The following C11orf58 variants were observed in gnomAD, a reference collection of about 807,000 sequenced individuals.
C11orf58 encodes chromosome 11 open reading frame 58.
In C11orf58, 5 loss-of-function variants were observed where a neutral mutation model predicts 22.7. The observed-to-expected ratio is 0.22, with a 90% CI of 0.12 to 0.46. The LOEUF (loss-of-function observed/expected upper bound fraction) is 0.46. Among genes scored for constraint, C11orf58 ranks in the 20% least tolerant of loss-of-function variants. The pLI is 0.99. For missense variants in C11orf58, 151 were observed against 223.3 expected (o/e 0.68, Z 2.06); for synonymous variants, 71 against 70.7 (o/e 1.00, Z -0.02).
At chr11:16,746,553 T>G (rs904627780) in intron 2 of C11orf58, among the ~76,000 whole-genome samples, 4 of 152,186 alleles carry the variant, frequency 2.6e-5, no homozygotes, top group Non-Finnish European at 2.9e-5. Flanking sequence ...GTTAAGGATA[T>G]GTAAGGTAAG....
rs565613519 is a variant in C11orf58, at chr11:16,755,728, C to T, written c.*624C>T. ...AGTCTTTTTATAATTTGGATTGTATCGTATGTTAGATTTTTGATAAAATTT... is the reference window on the plus strand; with the variant it reads ...AGTCTTTTTATAATTTGGATTGTATTGTATGTTAGATTTTTGATAAAATTT... On this transcript the variant is annotated 3_prime_UTR_variant, in exon 5 of 5. Coordinates refer to ENST00000228136, the MANE Select transcript of C11orf58 (RefSeq NM_014267.6). 2.0e-5 allele frequency: 3 copies of T among 152,468 alleles called. No individual in the cohort carries two copies. The highest frequency in any genetic ancestry group is 6.6e-5 in the Admixed American group (1 of 15,254). 9.4% of individuals were successfully genotyped at this position (152,468 alleles called of 1,614,324 possible).
chr11:16,744,474 G>GA, intron 1 of C11orf58, 127 bp from the exon 2 acceptor site: 2 of 692,814 alleles, frequency 2.9e-6, no homozygotes, highest in Non-Finnish European at 2.5e-6. Context: ...TCCTAAGCAA[G>GA]AAAAATGAAC....
At chr11:16,747,190 A>G (rs1341654678) in intron 2 of C11orf58, 2 of 152,262 alleles carry the variant, frequency 1.3e-5, no homozygotes, top group East Asian at 3.8e-4. Context: ...TAAACTAGTA[A>G]CACACTGAAT....
rs771714309 is a variant in C11orf58, at chr11:16,748,054, A to G, written c.148-43A>G. ...CATAGTAGATACCCAATAAGGTTAA[A>G]TTAGTGGTCTCAAATGCTAATACAT... On this transcript the variant is annotated intron_variant, in intron 2 of 4. Transcript: ENST00000228136. The G allele has an allele frequency of 2.0e-6, 3 of 1,472,674 alleles. No homozygotes were observed. The East Asian group carries it at 6.8e-5, about 33-fold the overall frequency. The allele number at this position is 1,472,674 out of a possible 1,614,324, so 91.2% of individuals were successfully genotyped here.
In C11orf58 at chr11:16,738,676, G is replaced by T. The variant is rs776538789; in HGVS notation, c.-103G>T. On this transcript the variant is annotated 5_prime_UTR_variant, in exon 1 of 5. Transcript: ENST00000228136. ...AAGGCCCGGAGGGGCTCTGCGTTCT[G>T]TAGTGGCGCTGCTTGGGCCCTTGGC... 7.6e-7 allele frequency: 1 copy of T among 1,312,080 alleles called. No individual in the cohort carries two copies. Among genetic ancestry groups the T allele is most frequent in the Non-Finnish European group, 1.1e-6 (1 of 909,192 alleles). The allele number at this position is 1,312,080 out of a possible 1,614,324, so 81.3% of individuals were successfully genotyped here. A position where few individuals can be genotyped will look rare whatever the true frequency, so the allele number is the denominator to read the frequency against.
intron 1 of C11orf58, 170 bp from the exon 2 acceptor site, chr11:16,744,420 TAATAGAAAAGG>T: frequency 1.8e-6 from 1 of 568,286 alleles, no homozygotes; most frequent in Non-Finnish European, 3.1e-6. Context: ...TGCTGTGAGG[TAATAGAAAAGG>T]AGTAAATTTG....
At chr11:16,751,129 A>G (rs1848529510) in intron 3 of C11orf58, 1 of 152,026 alleles carries the variant, frequency 6.6e-6, no homozygotes, top group Non-Finnish European at 1.5e-5. Flanking sequence ...TTCAGTTACA[A>G]TAGCTGCTCC....
intron 1 of C11orf58, among the ~76,000 whole-genome samples, chr11:16,742,127 A>G (rs951538783): frequency 3.3e-5 from 5 of 152,246 alleles, no homozygotes; most frequent in African/African-American, 1.2e-4. Flanking sequence ...TGTAGATGAC[A>G]GTTATTTATA....
chr11:16,750,844 G>C (rs1022787552), intron 3 of C11orf58: 2 of 152,248 alleles, frequency 1.3e-5, no homozygotes, highest in Non-Finnish European at 2.9e-5. Context: ...GCCATGACTG[G>C]ACGGCTTTCT....
chr11:16,750,333 G>A (rs185450364), intron 3 of C11orf58: 4 of 152,300 alleles, frequency 2.6e-5, no homozygotes, highest in Non-Finnish European at 4.4e-5. Flanking sequence ...AGAAAAAATC[G>A]TGAACGCAAA....
chr11:16,739,617 T>C (rs28711843), intron 1 of C11orf58: 1 of 152,158 alleles, frequency 6.6e-6, no homozygotes, highest in East Asian at 1.9e-4. Flanking sequence ...GGCCTTTTTG[T>C]ATATTTGTCC....
intron 2 of C11orf58, among the ~76,000 whole-genome samples, chr11:16,745,717 A>G (rs1564883604): frequency 6.6e-6 from 1 of 152,230 alleles, no homozygotes; most frequent in Non-Finnish European, 1.5e-5. Context: ...TGCCAGGAAA[A>G]TATCTATTGT....
chr11:16,748,495 C>T (rs1848505549), intron 3 of C11orf58: 1 of 155,890 alleles, frequency 6.4e-6, no homozygotes. Flanking sequence ...GTAATCCCAG[C>T]ATTTTGGGAG....
At chr11:16,739,937 T>G (rs1848432470) in intron 1 of C11orf58, among the ~76,000 whole-genome samples, 1 of 152,204 alleles carries the variant, frequency 6.6e-6, no homozygotes. Flanking sequence ...CCTACCCCTC[T>G]GATGGGAGGT....
intron 4 of C11orf58, chr11:16,754,026 A>G (rs1848554404): frequency 4.7e-6 from 2 of 425,330 alleles, no homozygotes; most frequent in Non-Finnish European, 8.4e-6. Context: ...GAACAACAAC[A>G]TGCTCACAAG....
At chr11:16,750,967 G>T (rs1848528267) in intron 3 of C11orf58, 1 of 152,164 alleles carries the variant, frequency 6.6e-6, no homozygotes, top group African/African-American at 2.4e-5. Context: ...CATTTTGTAG[G>T]ATGTGCTTAA....
At chr11:16,744,170 G>C (rs1400732841) in intron 1 of C11orf58, 1 of 153,852 alleles carries the variant, frequency 6.5e-6, no homozygotes, top group African/African-American at 2.4e-5. Flanking sequence ...TAAGTTCAGA[G>C]TACTAGGTGC....
chr11:16,744,066 AAG>A (rs1161776681), intron 1 of C11orf58, among the ~76,000 whole-genome samples: 1 of 151,832 alleles, frequency 6.6e-6, no homozygotes, highest in African/African-American at 2.4e-5. Flanking sequence ...AAAAAAAAAA[AAG>A]GCAACTGAAA....
At chr11:16,752,521 ATCTT>A (rs1471036362) in intron 3 of C11orf58, 5 of 223,184 alleles carry the variant, frequency 2.2e-5, no homozygotes, top group East Asian at 8.7e-5. Context: ...CTAGAAAAAA[ATCTT>A]TCAGGATAAC....
Sources: gnomAD v4.1 joint callset for allele counts (sites outside exome capture counted in the v4.1 genomes callset) on GRCh38, gnomAD v4.1.1 for gene constraint, MANE v1.5 for transcripts, NCBI Gene and HGNC (gene_info 2026-07-23, HGNC 2026-07-21) for gene names.